PPP2R2B: variants seen among roughly 807,000 people sequenced by gnomAD.
PPP2R2B encodes the protein protein phosphatase 2 regulatory subunit Bbeta.
A neutral mutation model predicts 46.0 loss-of-function variants in PPP2R2B; 5 were observed. The ratio of observed to expected loss-of-function variants is 0.11; its 90% CI spans 0.06 to 0.23. PPP2R2B has a LOEUF of 0.23. Among genes scored for constraint, PPP2R2B ranks in the 10% least tolerant of loss-of-function variants. The pLI is 1.00. For missense variants in PPP2R2B, 367 were observed against 575.0 expected, an observed-to-expected ratio of 0.64 and a Z score of 3.70; for synonymous variants, 215 against 206.7, an observed-to-expected ratio of 1.04 and a Z score of -0.34.
At chr5:146,852,771 T>G (rs933366179) in intron 2 of PPP2R2B, among the ~76,000 whole-genome samples, 2 of 152,206 alleles carry the variant, frequency 1.3e-5, no homozygotes, top group South Asian at 4.1e-4. Flanking sequence ...GATGGCTGAT[T>G]AGAGTACAGA....
chr5:146,921,999 A>C (rs1763623458), intron 1 of PPP2R2B, among the ~76,000 whole-genome samples: 1 of 152,234 alleles, frequency 6.6e-6, no homozygotes, highest in Non-Finnish European at 1.5e-5. Context: ...ACCATGAGGC[A>C]AATGAGGCTC....
intron 2 of PPP2R2B, among the ~76,000 whole-genome samples, chr5:146,827,897 G>A (rs956362804): frequency 2.0e-5 from 3 of 152,030 alleles, no homozygotes; most frequent in Admixed American, 6.6e-5. Context: ...TTTTTCTGTC[G>A]TCTTCCTACA....
At chr5:146,872,835 A>G (rs1293764440) in intron 2 of PPP2R2B, among the ~76,000 whole-genome samples, 2 of 152,156 alleles carry the variant, frequency 1.3e-5, no homozygotes. Flanking sequence ...CTTTTTTGCT[A>G]CAATTTCTTC....
At position 146,600,297 on chromosome 5, in the gene PPP2R2B, A is replaced by T; in HGVS notation, c.954T>A (p.Thr318=). The T allele has an allele frequency of 6.2e-7, 1 of 1,613,634 alleles. No homozygotes were observed. The highest frequency in any genetic ancestry group is 1.1e-5 in the South Asian group (1 of 91,028). The change falls in exon 8 of 10, where the codon ACT becomes ACA. Residue 318 remains threonine, a synonymous_variant. Coordinates refer to ENST00000394411, the MANE Select transcript of PPP2R2B (RefSeq NM_181675.4). Reference sequence around the variant, plus strand: ...GGTGCCTGGGGTTCTATACCTGGTAAGTCTCGATGGGGCGGTTTTCCATGT... The same window carrying T: ...GGTGCCTGGGGTTCTATACCTGGTATGTCTCGATGGGGCGGTTTTCCATGT... ...DLNMENRPIE[T]YQVHDYLRSK...
At chr5:146,775,771 T>C (rs1755144664) in intron 2 of PPP2R2B, among the ~76,000 whole-genome samples, 1 of 152,090 alleles carries the variant, frequency 6.6e-6, no homozygotes, top group South Asian at 2.1e-4. Flanking sequence ...GCTAATAAAA[T>C]GAATTCAGCA....
intron 2 of PPP2R2B, among the ~76,000 whole-genome samples, chr5:146,792,881 T>C (rs1480716015): frequency 1.3e-5 from 2 of 152,122 alleles, no homozygotes; most frequent in Non-Finnish European, 2.9e-5. Flanking sequence ...GGGCCCTTTT[T>C]TACACTGGGT....
intron 6 of PPP2R2B, among the ~76,000 whole-genome samples, chr5:146,642,775 G>A (rs1775303253): frequency 6.6e-6 from 1 of 152,056 alleles, no homozygotes; most frequent in Non-Finnish European, 1.5e-5. Flanking sequence ...AAAATCTTAG[G>A]GCCACGCATG....
Position 147,023,063 on chromosome 5 carries a change from AAAG to A in PPP2R2B, c.79+32599_79+32601del, listed in dbSNP as rs372048942. On this transcript the variant is annotated intron_variant, in intron 1 of 8. Transcript: ENST00000336640. ...TTTTCTCATTTTTAATTTTTTTAAAAAAGAATAACAATGAATTGTATTATGCCA... is the reference window on the plus strand; with the variant it reads ...TTTTCTCATTTTTAATTTTTTTAAAAAATAACAATGAATTGTATTATGCCA... Among the ~76,000 whole-genome samples, 27 of 152,298 alleles carry A rather than the reference AAAG, an allele frequency of 1.8e-4. No homozygotes were observed. The East Asian group carries it at 4.4e-3, about 25-fold the overall frequency.
chr5:146,635,862 GTTC>G (rs1774784198), intron 7 of PPP2R2B, among the ~76,000 whole-genome samples: 1 of 152,174 alleles, frequency 6.6e-6, no homozygotes, highest in Non-Finnish European at 1.5e-5. Context: ...GTCAGATTCA[GTTC>G]TTATCCTCAA....
chr5:147,034,975 G>A (rs1034755156), intron 1 of PPP2R2B, among the ~76,000 whole-genome samples: 1 of 152,154 alleles, frequency 6.6e-6, no homozygotes, highest in East Asian at 1.9e-4. Context: ...GGTGTGGGGT[G>A]GGGGGAGGAA....
At chr5:146,941,539 A>G (rs1764324148) in intron 1 of PPP2R2B, among the ~76,000 whole-genome samples, 2 of 152,182 alleles carry the variant, frequency 1.3e-5, no homozygotes, top group Non-Finnish European at 2.9e-5. Flanking sequence ...CCACATCAGC[A>G]TTTATGTCAT....
intron 2 of PPP2R2B, among the ~76,000 whole-genome samples, chr5:146,818,417 C>T (rs1407773049): frequency 3.3e-5 from 5 of 151,856 alleles, no homozygotes. Flanking sequence ...CTCCCTCTAA[C>T]TTGGTGGTTG....
intron 1 of PPP2R2B, among the ~76,000 whole-genome samples, chr5:146,976,107 ATTTATTATTATT>A (rs1223596501): frequency 8.2e-5 from 9 of 109,940 alleles, no homozygotes; most frequent in African/African-American, 3.2e-4. Context: ...TTTTTAAAAA[ATTTATTATTATT>A]ATTATTATTA....
chr5:146,901,762 A>G (rs779185990), intron 1 of PPP2R2B, among the ~76,000 whole-genome samples: 15 of 152,080 alleles, frequency 9.9e-5, no homozygotes, highest in Non-Finnish European at 1.9e-4. Context: ...AATACTTTCC[A>G]TTGAGGTAAC....
chr5:146,981,123 C>G (rs1007777500), intron 1 of PPP2R2B, among the ~76,000 whole-genome samples: 3 of 152,106 alleles, frequency 2.0e-5, no homozygotes, highest in African/African-American at 7.2e-5. Context: ...TAAGAGCAGG[C>G]AGGAAATTCT....
intron 1 of PPP2R2B, among the ~76,000 whole-genome samples, chr5:147,000,268 T>A (rs567806753): frequency 6.6e-6 from 1 of 152,272 alleles, no homozygotes; most frequent in African/African-American, 2.4e-5. Context: ...CTAGGATGAG[T>A]GCCTCATTCA....
intron 1 of PPP2R2B, among the ~76,000 whole-genome samples, chr5:147,046,145 C>A (rs1250412513): frequency 6.6e-6 from 1 of 152,130 alleles, no homozygotes; most frequent in Non-Finnish European, 1.5e-5. Context: ...TGATATCTGA[C>A]ACATAATAGA....
chr5:146,985,756 T>C (rs1753399661), intron 1 of PPP2R2B, among the ~76,000 whole-genome samples: 2 of 152,140 alleles, frequency 1.3e-5, no homozygotes, highest in Admixed American at 1.3e-4. Context: ...AAAAGGCATT[T>C]AAATAGAAAA....
At chr5:146,706,664 A>G (rs1300855476) in intron 2 of PPP2R2B, 9 of 857,734 alleles carry the variant, frequency 1.0e-5, no homozygotes, top group East Asian at 2.6e-5. Flanking sequence ...TGAGGCCCTC[A>G]GTCTCAGCCT....
Sources: allele counts gnomAD v4.1 joint callset (sites outside exome capture counted in the v4.1 genomes callset), GRCh38; gene constraint gnomAD v4.1.1; transcripts MANE v1.5; gene names NCBI Gene and HGNC (gene_info 2026-07-23, HGNC 2026-07-21).